The following CTDSPL2 variants were observed in gnomAD, a reference collection of about 807,000 sequenced individuals.
CTDSPL2 encodes the protein CTD small phosphatase like 2.
CTDSPL2 carries 5 observed loss-of-function variants against 60.0 expected under a neutral mutation model. The observed-to-expected ratio is 0.08, with a 90% CI of 0.04 to 0.18. CTDSPL2 has a LOEUF of 0.18. CTDSPL2 is among the 10% of genes least tolerant of loss of function. The probability of loss-of-function intolerance (pLI) is 1.00; values close to 1 mark genes in which losing one functional copy is unlikely to be tolerated. For synonymous variants in CTDSPL2, 186 were observed against 189.3 expected (o/e 0.98, Z 0.14); for missense variants, 370 against 548.8 (o/e 0.67, Z 3.26).
rs2081894997 is a variant in CTDSPL2, at chr15:44,527,578, A to G, written c.*3404A>G. 1 of 152,206 alleles carries G rather than the reference A, an allele frequency of 6.6e-6. No homozygotes were observed. Among genetic ancestry groups the G allele is most frequent in the Non-Finnish European group, 1.5e-5 (1 of 68,010 alleles). The allele number at this position is 152,206 out of a possible 1,614,324, so 9.4% of individuals were successfully genotyped here. On this transcript the variant is annotated 3_prime_UTR_variant, in exon 13 of 13. Transcript: ENST00000260327. ...GACATTGAAGCCTTTATTTAATTGT[A>G]CTAATATGATGGTGTTATATACTAC... is the stretch of plus-strand genomic sequence containing the variant.
rs2081839291 is a variant in CTDSPL2 at position 44,524,342 on chromosome 15, T to TA, written c.*169dup. ...AAGGGTTACAGAAAGAGACTTTATC[T>TA]ATCTCAGATCGAATACATATAGTAG... On this transcript the variant is annotated 3_prime_UTR_variant, in exon 13 of 13. Transcript: ENST00000260327. 1.6e-6 allele frequency: 1 copy of TA among 611,936 alleles called. No homozygotes were observed. Among genetic ancestry groups the TA allele is most frequent in the Non-Finnish European group, 2.9e-6 (1 of 345,606 alleles). The allele number at this position is 611,936 out of a possible 1,614,324, so 37.9% of individuals were successfully genotyped here.
chr15:44,439,535 G>GTT (rs144857202), intron 1 of CTDSPL2, among the ~76,000 whole-genome samples: 7 of 146,956 alleles, frequency 4.8e-5, no homozygotes, highest in Non-Finnish European at 7.5e-5. Context: ...GTATTTTTAT[G>GTT]TTTTTTTTGG....
At chr15:44,502,132 C>T (rs2081391067) in intron 8 of CTDSPL2, 1 of 225,566 alleles carries the variant, frequency 4.4e-6, no homozygotes, top group South Asian at 5.4e-5. Context: ...TGCATATACT[C>T]TTATTTTTTA....
At chr15:44,502,706 A>G (rs900557014) in intron 8 of CTDSPL2, among the ~76,000 whole-genome samples, 40 of 152,350 alleles carry the variant, frequency 2.6e-4, no homozygotes, top group Admixed American at 9.8e-4. Context: ...GTAAATTTAC[A>G]TATTCAAATT....
At chr15:44,447,703 A>G (rs558398091) in intron 1 of CTDSPL2, 1 of 153,352 alleles carries the variant, frequency 6.5e-6, no homozygotes, top group Non-Finnish European at 1.5e-5. Flanking sequence ...CACATTCTTC[A>G]TCTTGATGTT....
At chr15:44,432,019 T>G (rs1257996302) in intron 1 of CTDSPL2, among the ~76,000 whole-genome samples, 3 of 151,904 alleles carry the variant, frequency 2.0e-5, no homozygotes. Flanking sequence ...CCACCGCGCC[T>G]GGCCAGGAGA....
rs1234582136 is a variant in CTDSPL2, at chr15:44,526,287, C to G, written c.*2113C>G. ...AAACTTAAAAGATCTGAACTTTCAGCATGCATTCTGATTGCTGAAAGATTT... is the reference window on the plus strand; with the variant it reads ...AAACTTAAAAGATCTGAACTTTCAGGATGCATTCTGATTGCTGAAAGATTT... On this transcript the variant is annotated 3_prime_UTR_variant, in exon 13 of 13. Coordinates refer to ENST00000260327, the MANE Select transcript of CTDSPL2 (RefSeq NM_016396.3). 6.6e-6 allele frequency: 1 copy of G among 152,150 alleles called. No homozygotes were observed. Among genetic ancestry groups the G allele is most frequent in the Admixed American group, 6.5e-5 (1 of 15,278 alleles). 9.4% of individuals were successfully genotyped at this position (152,150 alleles called of 1,614,324 possible).
At chr15:44,505,503 G>A (rs941873196) in intron 8 of CTDSPL2, among the ~76,000 whole-genome samples, 2 of 152,090 alleles carry the variant, frequency 1.3e-5, no homozygotes, top group African/African-American at 4.8e-5. Flanking sequence ...GGAGGCTGAG[G>A]CAGGTGGATC....
At chr15:44,497,198 A>T (rs2081314505) in intron 7 of CTDSPL2, 60 bp downstream of exon 7, 1 of 955,822 alleles carries the variant, frequency 1.0e-6, no homozygotes, top group East Asian at 2.5e-5. Flanking sequence ...TTTTAGAATC[A>T]TGCTTATGTT....
At chr15:44,433,451 CAT>C (rs35158226) in intron 1 of CTDSPL2, among the ~76,000 whole-genome samples, 160 of 107,090 alleles carry the variant, frequency 1.5e-3, no homozygotes, top group Middle Eastern at 7.7e-3. Context: ...GTTTTATATA[CAT>C]ATATATACAC....
Position 44,427,690 on chromosome 15 carries a change from G to C in CTDSPL2, c.-107G>C. 1 of 399,448 alleles carries C rather than the reference G, an allele frequency of 2.5e-6. No individual in the cohort carries two copies. The allele number at this position is 399,448 out of a possible 1,614,324, so 24.7% of individuals were successfully genotyped here. A position where few individuals can be genotyped will look rare whatever the true frequency, so the allele number is the denominator to read the frequency against. The stretch of plus-strand genomic sequence containing the variant: ...AAGGAGCTGGTTCTGTTGCTGCTGC[G>C]GGGTAAGCGGGAAAGACACCACACA... On this transcript the variant is annotated 5_prime_UTR_variant, in exon 1 of 13. Transcript: ENST00000260327.
chr15:44,509,534 A>G (rs1567100748), intron 8 of CTDSPL2, among the ~76,000 whole-genome samples: 2 of 152,150 alleles, frequency 1.3e-5, no homozygotes, highest in Non-Finnish European at 2.9e-5. Context: ...AAATCCAGCT[A>G]TGTTAACTAT....
Position 44,525,391 on chromosome 15 carries a change from T to C in CTDSPL2, c.*1217T>C, listed in dbSNP as rs749666290. ...TCTCTAATGCAGCTACCACAAGAGG[T>C]TGATATTTTTATAGTGGCGTGTAAT... On this transcript the variant is annotated 3_prime_UTR_variant, in exon 13 of 13. Transcript: ENST00000260327. 40 of 398,806 alleles carry C rather than the reference T, an allele frequency of 1.0e-4. No individual in the cohort carries two copies. Among genetic ancestry groups the C allele is most frequent in the Non-Finnish European group, 1.5e-4 (33 of 225,928 alleles). 24.7% of individuals were successfully genotyped at this position (398,806 alleles called of 1,614,324 possible).
chr15:44,456,901 C>G (rs554229582), intron 1 of CTDSPL2, among the ~76,000 whole-genome samples: 12 of 123,290 alleles, frequency 9.7e-5, no homozygotes, highest in Non-Finnish European at 1.9e-4. Flanking sequence ...TTTTTTGAAA[C>G]AGGCTCTCAC....
At chr15:44,483,679 T>C (rs1190646471) in intron 2 of CTDSPL2, among the ~76,000 whole-genome samples, 2 of 152,184 alleles carry the variant, frequency 1.3e-5, no homozygotes, top group East Asian at 3.8e-4. Flanking sequence ...TTGCCCCATA[T>C]AAGGTAGCAA....
intron 1 of CTDSPL2, among the ~76,000 whole-genome samples, chr15:44,431,913 G>T (rs1342692273): frequency 6.6e-6 from 1 of 151,700 alleles, no homozygotes; most frequent in African/African-American, 2.4e-5. Flanking sequence ...TAGTAGAGAT[G>T]AGGTTTCACC....
chr15:44,459,383 C>T (rs564521824), intron 2 of CTDSPL2, among the ~76,000 whole-genome samples, 183 bp downstream of exon 2: 6 of 152,122 alleles, frequency 3.9e-5, no homozygotes, highest in African/African-American at 1.2e-4. Flanking sequence ...AAAAATTAGC[C>T]GGGCGAGGTG....
chr15:44,522,012 C>G (rs1210071482), intron 12 of CTDSPL2, among the ~76,000 whole-genome samples: 1 of 141,928 alleles, frequency 7.0e-6, no homozygotes, highest in Non-Finnish European at 1.5e-5. Context: ...GAGATGAGGG[C>G]AAAGGTTGAA....
chr15:44,477,959 T>C (rs1045421705), intron 2 of CTDSPL2, among the ~76,000 whole-genome samples: 2 of 152,188 alleles, frequency 1.3e-5, no homozygotes, highest in African/African-American at 2.4e-5. Context: ...CCTGCAGAAC[T>C]TTATTTAGTA....
Sources: gnomAD v4.1 joint callset for allele counts (sites outside exome capture counted in the v4.1 genomes callset) on GRCh38, gnomAD v4.1.1 for gene constraint, MANE v1.5 for transcripts, NCBI Gene and HGNC (gene_info 2026-07-23, HGNC 2026-07-21) for gene names.